Variants in ANK3 observed in about 807,000 individuals in gnomAD.
ANK3 encodes ankyrin-3.
Under a neutral mutation model 370.9 loss-of-function variants are expected in ANK3, and 57 were observed. The observed-to-expected ratio is 0.15, with a 90% confidence interval of 0.12 to 0.19. ANK3 has a LOEUF of 0.19. ANK3 is among the 10% of genes least tolerant of loss of function. ANK3 has a pLI of 1.00. For missense variants in ANK3, 4,439 were observed against 5,302.1 expected, an observed-to-expected ratio of 0.84 and a Z score of 5.06; for synonymous variants, 1,929 against 1,946.3, an observed-to-expected ratio of 0.99 and a Z score of 0.23.
chr10:60,154,304 A>G (rs541179762), intron 23 of ANK3, among the ~76,000 whole-genome samples: 3 of 152,344 alleles, frequency 2.0e-5, no homozygotes, highest in Admixed American at 2.0e-4. Flanking sequence ...GCCTCTTTCC[A>G]GATCTATTAA....
At chr10:60,724,098 T>TA (rs1454424837) in intron 1 of ANK3, among the ~76,000 whole-genome samples, 2 of 125,454 alleles carry the variant, frequency 1.6e-5, no homozygotes, top group Non-Finnish European at 3.4e-5. Flanking sequence ...TAGTCCCAGC[T>TA]ACTCGGGAGG....
At chr10:60,067,114 T>A (rs933350158) in intron 38 of ANK3, among the ~76,000 whole-genome samples, 1 of 152,156 alleles carries the variant, frequency 6.6e-6, no homozygotes, top group African/African-American at 2.4e-5. Flanking sequence ...GAGACAGGGT[T>A]TCACCATGTT....
upstream of ANK3, among the ~76,000 whole-genome samples, chr10:60,390,877 G>A (rs999440642): frequency 3.3e-5 from 5 of 152,014 alleles, no homozygotes; most frequent in African/African-American, 1.2e-4. Context: ...TTTGGCGGTC[G>A]GTGCATTTGA....
chr10:60,406,086 G>T (rs1037819673), intron 2 of ANK3, among the ~76,000 whole-genome samples: 6 of 152,154 alleles, frequency 3.9e-5, no homozygotes, highest in African/African-American at 1.4e-4. Flanking sequence ...CAAAGTGTCA[G>T]GGCAATAAAA....
At chr10:60,564,407 C>T (rs548389637) in intron 2 of ANK3, among the ~76,000 whole-genome samples, 1 of 152,130 alleles carries the variant, frequency 6.6e-6, no homozygotes, top group Non-Finnish European at 1.5e-5. Context: ...GGTTATTTGC[C>T]TGTAGAGCAG....
At chr10:60,032,499 C>A (rs1204139168) in intron 43 of ANK3, among the ~76,000 whole-genome samples, 1 of 151,986 alleles carries the variant, frequency 6.6e-6, no homozygotes, top group Admixed American at 6.6e-5. Context: ...TGAGCCACTG[C>A]GCCTGGCCTG....
intron 1 of ANK3, among the ~76,000 whole-genome samples, chr10:60,643,981 C>A (rs2078673645): frequency 6.6e-6 from 1 of 152,170 alleles, no homozygotes; most frequent in East Asian, 1.9e-4. Flanking sequence ...GCCCTGTATG[C>A]CTAAAAATAT....
intron 2 of ANK3, among the ~76,000 whole-genome samples, chr10:60,578,033 T>C (rs1157983484): frequency 1.3e-5 from 2 of 152,210 alleles, no homozygotes; most frequent in African/African-American, 2.4e-5. Context: ...TAAACCTAGC[T>C]TAACTGTAAG....
intron 1 of ANK3, among the ~76,000 whole-genome samples, chr10:60,728,557 T>C (rs554598776): frequency 3.3e-5 from 5 of 152,368 alleles, no homozygotes; most frequent in Admixed American, 6.5e-5. Flanking sequence ...TAATTGTCTA[T>C]AACTCTTTCA....
chr10:60,469,577 A>G (rs1481279871), intron 2 of ANK3, among the ~76,000 whole-genome samples: 1 of 5,352 alleles, frequency 1.9e-4, no homozygotes. Flanking sequence ...ATATGGTGGT[A>G]TATATATATA....
intron 1 of ANK3, among the ~76,000 whole-genome samples, chr10:60,690,829 G>A (rs1251201570): frequency 2.6e-5 from 4 of 152,204 alleles, no homozygotes; most frequent in African/African-American, 9.6e-5. Context: ...AATGTGTGAA[G>A]CTTTGGGGCT....
At chr10:60,422,673 C>T (rs2063803188) in intron 2 of ANK3, among the ~76,000 whole-genome samples, 1 of 152,044 alleles carries the variant, frequency 6.6e-6, no homozygotes, top group African/African-American at 2.4e-5. Context: ...TTTTTCCCTC[C>T]TAAGCTGTAA....
chr10:60,662,330 G>A (rs962662799), intron 1 of ANK3, among the ~76,000 whole-genome samples: 2 of 152,102 alleles, frequency 1.3e-5, no homozygotes, highest in African/African-American at 2.4e-5. Flanking sequence ...TTTTTGTTAA[G>A]TACTAAAAAA....
At chr10:60,417,400 A>G (rs563707387) in intron 2 of ANK3, among the ~76,000 whole-genome samples, 3 of 152,302 alleles carry the variant, frequency 2.0e-5, no homozygotes, top group African/African-American at 4.8e-5. Flanking sequence ...GAAAACACAT[A>G]TAGAGGCTGA....
At chr10:60,437,771 T>G (rs1311950752) in intron 2 of ANK3, among the ~76,000 whole-genome samples, 2 of 152,166 alleles carry the variant, frequency 1.3e-5, no homozygotes, top group Non-Finnish European at 2.9e-5. Flanking sequence ...GATTTCACAT[T>G]AGATCTTTTC....
chr10:60,611,835 T>A (rs563545571), intron 2 of ANK3, among the ~76,000 whole-genome samples: 1 of 150,774 alleles, frequency 6.6e-6, no homozygotes, highest in Admixed American at 6.6e-5. Flanking sequence ...CCTCGGTTTC[T>A]TAAATGTTGC....
intron 24 of ANK3, chr10:60,138,706 T>C (rs1203727731): frequency 7.9e-6 from 4 of 509,412 alleles, no homozygotes; most frequent in Non-Finnish European, 1.0e-5. Context: ...CTTTTGCTAC[T>C]GTGCTGGCAG....
intron 23 of ANK3, among the ~76,000 whole-genome samples, chr10:60,161,611 T>C (rs2095502138): frequency 6.6e-6 from 1 of 152,096 alleles, no homozygotes. Context: ...ATTGGAGACA[T>C]TATCTTAAGT....
At chr10:60,572,719 A>G (rs2077628899) in intron 2 of ANK3, 1 of 1,378,854 alleles carries the variant, frequency 7.3e-7, no homozygotes, top group Non-Finnish European at 9.3e-7. Flanking sequence ...AGCCCTGTTC[A>G]GCTTTCCTCA....
Sources: gnomAD v4.1 joint callset for allele counts (sites outside exome capture counted in the v4.1 genomes callset) on GRCh38, gnomAD v4.1.1 for gene constraint, MANE v1.5 for transcripts, NCBI Gene and HGNC (gene_info 2026-07-23, HGNC 2026-07-21) for gene names.